Variants in ZFHX4 observed in about 807,000 individuals in gnomAD.
The protein encoded by ZFHX4 is zinc finger homeobox 4.
In ZFHX4, 56 loss-of-function variants were observed where a neutral mutation model predicts 267.6. The ratio of observed to expected loss-of-function variants is 0.21; its 90% confidence interval spans 0.17 to 0.26. The LOEUF (loss-of-function observed/expected upper bound fraction) is 0.26, where lower values mean the gene tolerates loss of function less well. Ranked by LOEUF, ZFHX4 falls within the 10% of genes least tolerant of loss-of-function variation. The probability of loss-of-function intolerance (pLI) is 1.00; values close to 1 mark genes in which losing one functional copy is unlikely to be tolerated. For synonymous variants in ZFHX4, 1,778 were observed against 1,665.6 expected (o/e 1.07, Z -1.64); for missense variants, 4,332 against 4,420.0 (o/e 0.98, Z 0.56).
chr8:76,754,658 G>A (rs1333270248), intron 3 of ZFHX4, among the ~76,000 whole-genome samples: 2 of 152,034 alleles, frequency 1.3e-5, no homozygotes, highest in African/African-American at 4.8e-5. Context: ...TGAGTAATTA[G>A]GATATTTATT....
intron 1 of ZFHX4, among the ~76,000 whole-genome samples, chr8:76,689,118 C>G (rs1807762859): frequency 6.6e-6 from 1 of 151,876 alleles, no homozygotes; most frequent in Non-Finnish European, 1.5e-5. Flanking sequence ...TTATGGTTAA[C>G]TTTATGATAT....
intron 3 of ZFHX4, among the ~76,000 whole-genome samples, chr8:76,716,858 A>G (rs1400108476): frequency 6.6e-6 from 1 of 152,184 alleles, no homozygotes; most frequent in African/African-American, 2.4e-5. Context: ...TATTTGGTAT[A>G]TTAAATAGAA....
At chr8:76,778,525 G>A (rs1445211664) in intron 4 of ZFHX4, 86 bp downstream of exon 4, 26 of 1,066,660 alleles carry the variant, frequency 2.4e-5, no homozygotes, top group Admixed American at 5.5e-5. Flanking sequence ...ACACACACAC[G>A]CCTCAAACTC....
At chr8:76,748,879 C>G (rs1346389056) in intron 3 of ZFHX4, among the ~76,000 whole-genome samples, 2 of 152,066 alleles carry the variant, frequency 1.3e-5, no homozygotes, top group African/African-American at 4.8e-5. Context: ...CTTAGAAATC[C>G]CAGTCGTTCC....
chr8:76,688,739 T>C (rs926266767), intron 1 of ZFHX4, among the ~76,000 whole-genome samples: 1 of 152,142 alleles, frequency 6.6e-6, no homozygotes, highest in Non-Finnish European at 1.5e-5. Flanking sequence ...CAGATAATTA[T>C]TTATATGTAT....
Position 76,842,818 on chromosome 8 carries a change from C to T in ZFHX4, c.3511+47C>T, listed in dbSNP as rs921365148. On this transcript the variant is annotated intron_variant, in intron 6 of 10. Transcript: ENST00000651372. ...CCTCGGCATTTCCCTATACCCATTC[C>T]CTGCCATCAACTCTTCCTTCACCAT... is the stretch of plus-strand genomic sequence containing the variant. 5 of 1,361,212 alleles carry T rather than the reference C, an allele frequency of 3.7e-6. No individual in the cohort carries two copies. In the Admixed American group the frequency reaches 1.0e-4, roughly 28 times the overall value. 84.3% of individuals were successfully genotyped at this position (1,361,212 alleles called of 1,614,324 possible).
intron 3 of ZFHX4, among the ~76,000 whole-genome samples, chr8:76,752,748 T>C (rs888821119): frequency 8.5e-5 from 13 of 152,130 alleles, no homozygotes; most frequent in African/African-American, 3.1e-4. Context: ...ATATATTTTG[T>C]CTTTTACTAT....
intron 4 of ZFHX4, among the ~76,000 whole-genome samples, chr8:76,784,621 T>G (rs116708143): frequency 9.4e-4 from 143 of 152,138 alleles, no homozygotes; most frequent in African/African-American, 3.3e-3. Flanking sequence ...CCAGAATATA[T>G]AGCAGGAACA....
intron 3 of ZFHX4, among the ~76,000 whole-genome samples, chr8:76,762,185 C>A (rs1441113727): frequency 6.6e-6 from 1 of 152,096 alleles, no homozygotes; most frequent in African/African-American, 2.4e-5. Context: ...TGGTCCAGGA[C>A]ACCCAATTAT....
In ZFHX4 at chr8:76,738,307, G is replaced by A. The variant is rs1563493310; in HGVS notation, c.3093+30259G>A. Among the ~76,000 whole-genome samples, 2 of 152,046 alleles carry A rather than the reference G, an allele frequency of 1.3e-5. 1 individual carries two copies. Among genetic ancestry groups the A allele is most frequent in the Admixed American group, 1.3e-4 (2 of 15,234 alleles). ...ACAGTTATGCTGATGTAACCAGGTC[G>A]GTTAAGGGATAAGTACTCACATCAT... On this transcript the variant is annotated intron_variant, in intron 3 of 10. Coordinates refer to ENST00000651372, the MANE Select transcript of ZFHX4 (RefSeq NM_024721.5).
At chr8:76,750,700 A>G (rs1168386764) in intron 3 of ZFHX4, among the ~76,000 whole-genome samples, 2 of 152,014 alleles carry the variant, frequency 1.3e-5, no homozygotes, top group Non-Finnish European at 2.9e-5. Context: ...TTTTTCCATT[A>G]CCCATAGTTC....
chr8:76,701,814 A>G (rs1312164522), intron 1 of ZFHX4, among the ~76,000 whole-genome samples: 1 of 152,106 alleles, frequency 6.6e-6, no homozygotes, highest in Non-Finnish European at 1.5e-5. Flanking sequence ...TTTTTTACAT[A>G]TCAGATATGT....
chr8:76,688,766 C>T (rs1256477230), intron 1 of ZFHX4, among the ~76,000 whole-genome samples: 1 of 152,086 alleles, frequency 6.6e-6, no homozygotes, highest in Non-Finnish European at 1.5e-5. Flanking sequence ...TAAACAAGCT[C>T]TTTCTGGTTT....
At chr8:76,738,109 G>A (rs957591750) in intron 3 of ZFHX4, among the ~76,000 whole-genome samples, 1 of 152,132 alleles carries the variant, frequency 6.6e-6, no homozygotes, top group Admixed American at 6.6e-5. Context: ...TAGGAGGAAG[G>A]CTTTGTGAAA....
Position 76,704,190 on chromosome 8 carries a change from A to G in ZFHX4, c.102A>G (p.Lys34=), listed in dbSNP as rs1411833976. Residue 34 remains lysine (K), a synonymous_variant, in exon 2 of 11, where the codon AAA becomes AAG. Transcript: ENST00000651372. ...TTQLDNEVPE[K]VAGMEPDREN... ...AACTTGATAATGAGGTGCCAGAGAA[A>G]GTTGCAGGGATGGAGCCTGACAGGG... is the stretch of plus-strand genomic sequence containing the variant. 3 of 1,614,030 alleles carry G rather than the reference A, an allele frequency of 1.9e-6. No homozygotes were observed. The highest frequency in any genetic ancestry group is 1.7e-6 in the Non-Finnish European group (2 of 1,179,898).
intron 4 of ZFHX4, 52 bp from the exon 5 acceptor site, chr8:76,833,284 TGA>T: frequency 2.0e-6 from 3 of 1,500,484 alleles, no homozygotes; most frequent in Non-Finnish European, 2.8e-6. Context: ...TTAGCCATGA[TGA>T]GAGAGCTGGA....
At position 76,704,170 on chromosome 8, in the gene ZFHX4, G is replaced by C. The variant is rs370994248; in HGVS notation, c.82G>C (p.Asp28His). 3.7e-6 allele frequency: 6 copies of C among 1,613,984 alleles called. No homozygotes were observed. Among genetic ancestry groups the C allele is most frequent in the Non-Finnish European group, 5.1e-6 (6 of 1,179,882 alleles). ...TSKLCGTTQL[D>H]NEVPEKVAGM... ...AAAGCTATGTGGAACGACACAACTT[G>C]ATAATGAGGTGCCAGAGAAAGTTGC... is the stretch of plus-strand genomic sequence containing the variant. The change falls in exon 2 of 11, where the codon GAT becomes CAT. Residue 28 changes from aspartate (D) to histidine (H), a missense_variant. Asp to His is a moderately conservative substitution (Grantham distance 81). Transcript: ENST00000651372.
intron 1 of ZFHX4, among the ~76,000 whole-genome samples, chr8:76,697,106 G>T (rs946452302): frequency 3.9e-5 from 6 of 151,932 alleles, no homozygotes; most frequent in African/African-American, 1.4e-4. Flanking sequence ...CTTAGTTATA[G>T]TGGTTATGAG....
intron 3 of ZFHX4, among the ~76,000 whole-genome samples, chr8:76,718,606 G>C (rs375071574): frequency 6.6e-6 from 1 of 152,038 alleles, no homozygotes; most frequent in African/African-American, 2.4e-5. Context: ...GAGAAAAATA[G>C]TCTTGGCTCT....
Sources: allele counts gnomAD v4.1 joint callset (sites outside exome capture counted in the v4.1 genomes callset), GRCh38; gene constraint gnomAD v4.1.1; transcripts MANE v1.5; gene names NCBI Gene and HGNC (gene_info 2026-07-23, HGNC 2026-07-21).